VEPH1: variants seen among roughly 807,000 people sequenced by gnomAD.
The protein encoded by VEPH1 is ventricular zone-expressed PH domain-containing protein homolog 1.
Under a neutral mutation model 85.2 loss-of-function variants are expected in VEPH1, and 80 were observed. That is an observed-to-expected ratio of 0.94 (90% CI 0.78 to 1.13). The LOEUF (loss-of-function observed/expected upper bound fraction) is 1.13. Among genes scored for constraint, VEPH1 ranks in the 50% most tolerant of loss-of-function variants. VEPH1 has a pLI of 0.00. For missense variants in VEPH1, 955 were observed against 980.5 expected, an observed-to-expected ratio of 0.97 and a Z score of 0.35; for synonymous variants, 297 against 348.0, an observed-to-expected ratio of 0.85 and a Z score of 1.63.
At chr3:157,439,130 T>G (rs1733910657) in intron 4 of VEPH1, among the ~76,000 whole-genome samples, 1 of 152,198 alleles carries the variant, frequency 6.6e-6, no homozygotes, top group Non-Finnish European at 1.5e-5. Flanking sequence ...GTACACTAGA[T>G]TCTCAATGTG....
upstream of VEPH1, chr3:157,503,424 T>C (rs543185482): frequency 1.3e-5 from 2 of 152,226 alleles, no homozygotes; most frequent in Admixed American, 1.3e-4. Flanking sequence ...CTCCCTGAGC[T>C]GCCTGTCAAG....
chr3:157,399,796 C>T (rs1221951017), intron 6 of VEPH1, among the ~76,000 whole-genome samples: 3 of 152,008 alleles, frequency 2.0e-5, no homozygotes, highest in Non-Finnish European at 4.4e-5. Context: ...AAGAGGCAAG[C>T]TGCCTGAAAT....
intron 9 of VEPH1, among the ~76,000 whole-genome samples, chr3:157,323,375 G>A (rs1483245037): frequency 6.6e-6 from 1 of 152,202 alleles, no homozygotes; most frequent in Non-Finnish European, 1.5e-5. Flanking sequence ...GTTCAGAAGT[G>A]TGAGTTGTTG....
intron 5 of VEPH1, among the ~76,000 whole-genome samples, chr3:157,416,918 A>G (rs1285802695): frequency 1.3e-5 from 2 of 152,036 alleles, no homozygotes; most frequent in Admixed American, 6.6e-5. Context: ...GGAAGGAGAA[A>G]GAGAAAGAAA....
intron 7 of VEPH1, among the ~76,000 whole-genome samples, chr3:157,369,204 A>AAAAAAAAAAAAAAACC (rs1727204831): frequency 6.8e-6 from 1 of 146,160 alleles, no homozygotes; most frequent in Admixed American, 6.8e-5. Flanking sequence ...AAAAAAAAAA[A>AAAAAAAAAAAAAAACC]CCTCCTGAGG....
intron 7 of VEPH1, among the ~76,000 whole-genome samples, chr3:157,379,471 G>C (rs1728515085): frequency 6.6e-6 from 1 of 152,238 alleles, no homozygotes; most frequent in South Asian, 2.1e-4. Context: ...CTGGCTGCTG[G>C]TCAGTACATC....
In VEPH1 at chr3:157,495,296, C is replaced by T. The variant is rs751546361; in HGVS notation, c.54G>A (p.Gly18=). ...VLGQKDLSRA[G]DLFSLDDSEI... ...CAGAGTCATCTAAGGAGAAGAGGTC[C>T]CCAGCTCGTGAAAGATCTTTTTGTC... Residue 18 remains glycine, a synonymous_variant, in exon 2 of 14, where the codon GGG becomes GGA. Transcript: ENST00000362010. 3.1e-6 allele frequency: 5 copies of T among 1,613,994 alleles called. No homozygotes were observed. The highest frequency in any genetic ancestry group is 4.2e-6 in the Non-Finnish European group (5 of 1,179,918).
At chr3:157,285,945 G>A (rs1403098642) in intron 12 of VEPH1, among the ~76,000 whole-genome samples, 2 of 152,140 alleles carry the variant, frequency 1.3e-5, no homozygotes, top group Admixed American at 1.3e-4. Flanking sequence ...AGTATTGCAA[G>A]GACTGATTAA....
At chr3:157,276,312 G>A (rs1001112888) in intron 12 of VEPH1, among the ~76,000 whole-genome samples, 11 of 152,134 alleles carry the variant, frequency 7.2e-5, no homozygotes, top group African/African-American at 2.7e-4. Context: ...AGCATTTAGG[G>A]CTATGTTTCC....
chr3:157,373,850 T>C (rs1193935500), intron 7 of VEPH1, among the ~76,000 whole-genome samples: 1 of 152,182 alleles, frequency 6.6e-6, no homozygotes, highest in Non-Finnish European at 1.5e-5. Flanking sequence ...TGATATTACA[T>C]TGCCCGCACT....
At chr3:157,323,882 C>T (rs895744790) in intron 9 of VEPH1, among the ~76,000 whole-genome samples, 6 of 152,064 alleles carry the variant, frequency 3.9e-5, no homozygotes, top group Non-Finnish European at 5.9e-5. Flanking sequence ...GATCAACCAT[C>T]GACAGTGATT....
At chr3:157,418,437 A>G (rs1157853313) in intron 5 of VEPH1, among the ~76,000 whole-genome samples, 1 of 152,146 alleles carries the variant, frequency 6.6e-6, no homozygotes, top group Admixed American at 6.6e-5. Flanking sequence ...ACAGCAAACA[A>G]CATTTCAATT....
intron 5 of VEPH1, among the ~76,000 whole-genome samples, chr3:157,426,495 T>C (rs146415142): frequency 3.3e-5 from 5 of 152,334 alleles, no homozygotes; most frequent in African/African-American, 1.2e-4. Context: ...CCTCATCTGA[T>C]TTTTTCCCAT....
intron 9 of VEPH1, among the ~76,000 whole-genome samples, chr3:157,352,631 T>C (rs559595108): frequency 6.6e-6 from 1 of 152,342 alleles, no homozygotes; most frequent in East Asian, 1.9e-4. Flanking sequence ...GAAAGAAAAG[T>C]TTTGTTTTTT....
intron 2 of VEPH1, among the ~76,000 whole-genome samples, chr3:157,491,069 T>C (rs889233589): frequency 3.3e-5 from 5 of 152,054 alleles, no homozygotes; most frequent in African/African-American, 1.2e-4. Flanking sequence ...TTTGGAACCA[T>C]GGATGTGTAG....
At chr3:157,471,032 C>T (rs1736900830) in intron 2 of VEPH1, among the ~76,000 whole-genome samples, 1 of 152,174 alleles carries the variant, frequency 6.6e-6, no homozygotes, top group Non-Finnish European at 1.5e-5. Context: ...ACCAGGTTTT[C>T]CTCCATTCCC....
intron 4 of VEPH1, among the ~76,000 whole-genome samples, chr3:157,439,662 G>A (rs1215624773): frequency 1.3e-5 from 2 of 152,214 alleles, no homozygotes; most frequent in East Asian, 1.9e-4. Context: ...CAATCCAGGA[G>A]TGCTTTGGAA....
intron 6 of VEPH1, among the ~76,000 whole-genome samples, chr3:157,382,838 C>T (rs722484): frequency 0.68 from 103,268 of 151,898 alleles, 35,457 homozygotes; most frequent in East Asian, 0.79. Flanking sequence ...TATTTTATTT[C>T]AGTATCTTTT....
chr3:157,473,673 T>C (rs551653592), intron 2 of VEPH1, among the ~76,000 whole-genome samples: 16 of 152,296 alleles, frequency 1.1e-4, no homozygotes, highest in Admixed American at 3.9e-4. Flanking sequence ...TTAAATCATA[T>C]AGAATACATC....
Sources: gnomAD v4.1 joint callset for allele counts (sites outside exome capture counted in the v4.1 genomes callset) on GRCh38, gnomAD v4.1.1 for gene constraint, MANE v1.5 for transcripts, NCBI Gene and HGNC (gene_info 2026-07-23, HGNC 2026-07-21) for gene names.